Variants in ANK3 observed in about 807,000 individuals in gnomAD.
The protein encoded by ANK3 is ankyrin 3, also known as ankyrin-3.
A neutral mutation model predicts 370.9 loss-of-function variants in ANK3; 57 were observed. That is an observed-to-expected ratio of 0.15 (90% confidence interval 0.12 to 0.19). The LOEUF (loss-of-function observed/expected upper bound fraction) is 0.19. ANK3 is among the 10% of genes least tolerant of loss of function. ANK3 has a pLI of 1.00. For synonymous variants in ANK3, 1,929 were observed against 1,946.3 expected, an observed-to-expected ratio of 0.99 and a Z score of 0.23; for missense variants, 4,439 against 5,302.1, an observed-to-expected ratio of 0.84 and a Z score of 5.06.
At chr10:60,409,256 C>G (rs530370273) in intron 2 of ANK3, among the ~76,000 whole-genome samples, 1 of 152,258 alleles carries the variant, frequency 6.6e-6, no homozygotes, top group Admixed American at 6.5e-5. Context: ...GCTACCCAAA[C>G]CAAAAGCAAA....
chr10:60,632,626 C>T (rs2078499881), intron 1 of ANK3, among the ~76,000 whole-genome samples: 1 of 151,950 alleles, frequency 6.6e-6, no homozygotes, highest in African/African-American at 2.4e-5. Flanking sequence ...GTGGTTCATG[C>T]CTATGGTCCC....
chr10:60,509,915 A>G (rs1595173567), intron 2 of ANK3, among the ~76,000 whole-genome samples: 1 of 152,140 alleles, frequency 6.6e-6, no homozygotes, highest in African/African-American at 2.4e-5. Flanking sequence ...AACCTTCTAT[A>G]GTCAATGGCA....
At chr10:60,191,385 GA>G (rs111768554) in intron 16 of ANK3, among the ~76,000 whole-genome samples, 73,497 of 147,442 alleles carry the variant, frequency 0.5, 19,173 homozygotes, top group East Asian at 0.59. Flanking sequence ...AACTCAACAA[GA>G]AAAAAAAAAA....
chr10:60,617,748 T>A (rs1478731688), intron 1 of ANK3, among the ~76,000 whole-genome samples: 1 of 152,192 alleles, frequency 6.6e-6, no homozygotes, highest in Non-Finnish European at 1.5e-5. Context: ...CAAAAAATGT[T>A]CTTGGCTATT....
At chr10:60,045,238 T>C (rs952247830) in intron 42 of ANK3, among the ~76,000 whole-genome samples, 2 of 152,248 alleles carry the variant, frequency 1.3e-5, no homozygotes, top group Admixed American at 1.3e-4. Context: ...CACTATCTTT[T>C]ACATTCCAGT....
At chr10:60,363,871 AC>A (rs1376561367) in intron 1 of ANK3, among the ~76,000 whole-genome samples, 2 of 152,210 alleles carry the variant, frequency 1.3e-5, no homozygotes, top group Non-Finnish European at 2.9e-5. Context: ...TTATAGAAAA[AC>A]ATCGTAAGTT....
At chr10:60,655,614 C>T (rs2078852602) in intron 1 of ANK3, among the ~76,000 whole-genome samples, 1 of 151,842 alleles carries the variant, frequency 6.6e-6, no homozygotes, top group Non-Finnish European at 1.5e-5. Flanking sequence ...GAAAAATTTA[C>T]AGTAAGCTAA....
At chr10:60,651,344 T>A (rs1354156413) in intron 1 of ANK3, among the ~76,000 whole-genome samples, 1 of 152,166 alleles carries the variant, frequency 6.6e-6, no homozygotes, top group Non-Finnish European at 1.5e-5. Flanking sequence ...GGGAGCCCAC[T>A]ACACTCTCCT....
At chr10:60,655,383 C>G (rs10761541) in intron 1 of ANK3, among the ~76,000 whole-genome samples, 95,824 of 151,454 alleles carry the variant, frequency 0.63, 30,601 homozygotes, top group South Asian at 0.76. Context: ...ATGATCCTAA[C>G]CCTGTATACA....
At position 60,127,987 on chromosome 10, in the gene ANK3, G is replaced by A. The variant is rs765426330; in HGVS notation, c.2841+6284C>T. 3.3e-5 allele frequency among the ~76,000 whole-genome samples: 5 copies of A among 151,866 alleles called. No individual in the cohort carries two copies. In the East Asian group the frequency reaches 5.8e-4, roughly 18 times the overall value. ...GCTGGAATTACAGATGTGAGCCACCGCGCCCGGCCAGTTCTTCATACTTTT... is the reference window on the plus strand; with the variant it reads ...GCTGGAATTACAGATGTGAGCCACCACGCCCGGCCAGTTCTTCATACTTTT... On this transcript the variant is annotated intron_variant, in intron 25 of 43. Coordinates refer to ENST00000280772, the MANE Select transcript of ANK3 (RefSeq NM_020987.5).
chr10:60,190,110 C>T (rs2096447449), intron 16 of ANK3, among the ~76,000 whole-genome samples: 2 of 152,164 alleles, frequency 1.3e-5, no homozygotes, highest in South Asian at 4.1e-4. Flanking sequence ...ACCCCAATTT[C>T]CTGAAACCTC....
chr10:60,512,457 A>G (rs1269682350), intron 2 of ANK3, among the ~76,000 whole-genome samples: 1 of 152,178 alleles, frequency 6.6e-6, no homozygotes, highest in East Asian at 1.9e-4. Flanking sequence ...AAGTATCATG[A>G]TGTACATGAC....
At position 60,318,371 on chromosome 10, in the gene ANK3, C is replaced by T. The variant is rs144034110; in HGVS notation, c.115-38732G>A. Among the ~76,000 whole-genome samples, 541 of 152,266 alleles carry T rather than the reference C, an allele frequency of 3.6e-3. 4 individuals are homozygous for T. The highest frequency in any genetic ancestry group is 9.0e-4 in the Non-Finnish European group (61 of 68,030). ...CACTTAGACTATACAACCAATAATA[C>T]ATCCTTCCAAAAATTTAATAGATTA... On this transcript the variant is annotated intron_variant, in intron 1 of 43. Transcript: ENST00000280772.
chr10:60,407,950 G>A (rs1468168372), intron 2 of ANK3, among the ~76,000 whole-genome samples: 5 of 152,064 alleles, frequency 3.3e-5, no homozygotes, highest in Admixed American at 1.3e-4. Flanking sequence ...CCCTGACTGT[G>A]TCTCCCATAC....
rs767032551 is a variant in ANK3, at chr10:60,075,269, C to T, written c.5612G>A (p.Arg1871Gln). ...TETHPQPHFS[R>Q]TSSPVKSSLF... ...AGATGACTTAACTGGAGATGAAGTT[C>T]GACTGAAGTGAGGCTGAGGATGTGT... is the stretch of plus-strand genomic sequence containing the variant. Residue 1871 changes from arginine (R) to glutamine (Q), a missense_variant, in exon 37 of 44, where the codon CGA becomes CAA. By Grantham distance (43) the Arg-to-Gln change is conservative. Transcript: ENST00000280772. The T allele has an allele frequency of 7.4e-6, 12 of 1,613,992 alleles. No homozygotes were observed. The highest frequency in any genetic ancestry group is 1.0e-5 in the Non-Finnish European group (12 of 1,180,022).
intron 38 of ANK3, 70 bp downstream of exon 38, chr10:60,067,865 T>A (rs41274668): frequency 0.017 from 21,439 of 1,278,334 alleles, 316 homozygotes; most frequent in Admixed American, 0.058. Context: ...ATATATATAT[T>A]GAACTGCTTG....
chr10:60,459,181 T>A (rs926788182), intron 2 of ANK3, among the ~76,000 whole-genome samples: 1 of 152,174 alleles, frequency 6.6e-6, no homozygotes, highest in Non-Finnish European at 1.5e-5. Context: ...ACAGAACAAT[T>A]TGAGATTGTG....
At chr10:60,295,804 G>T (rs965489506) in intron 1 of ANK3, among the ~76,000 whole-genome samples, 1 of 152,120 alleles carries the variant, frequency 6.6e-6, no homozygotes, top group African/African-American at 2.4e-5. Context: ...TGGCAATCTT[G>T]TTACATGCTA....
At chr10:60,136,858 G>A (rs2094366195) in intron 24 of ANK3, among the ~76,000 whole-genome samples, 1 of 152,130 alleles carries the variant, frequency 6.6e-6, no homozygotes, top group African/African-American at 2.4e-5. Flanking sequence ...TTTGCATGAG[G>A]ATCTAGAAAA....
Sources: gnomAD v4.1 joint callset for allele counts (sites outside exome capture counted in the v4.1 genomes callset) on GRCh38, gnomAD v4.1.1 for gene constraint, MANE v1.5 for transcripts, NCBI Gene and HGNC (gene_info 2026-07-23, HGNC 2026-07-21) for gene names.